The following MAGI2 variants were observed in gnomAD, a reference collection of about 807,000 sequenced individuals.
MAGI2 encodes the protein membrane associated guanylate kinase, WW and PDZ domain containing 2, also known as membrane-associated guanylate kinase, WW and PDZ domain-containing protein 2.
A neutral mutation model predicts 133.3 loss-of-function variants in MAGI2; 35 were observed. That is an observed-to-expected ratio of 0.26 (90% confidence interval 0.20 to 0.35). MAGI2 has a LOEUF of 0.35. Ranked by LOEUF, MAGI2 falls within the 10% of genes least tolerant of loss-of-function variation. The pLI is 1.00. For missense variants in MAGI2, 1,636 were observed against 1,863.4 expected, an observed-to-expected ratio of 0.88 and a Z score of 2.25; for synonymous variants, 729 against 710.6, an observed-to-expected ratio of 1.03 and a Z score of -0.41.
At chr7:79,314,877 G>A (rs1838583837) in intron 1 of MAGI2, among the ~76,000 whole-genome samples, 1 of 152,170 alleles carries the variant, frequency 6.6e-6, no homozygotes, top group Admixed American at 6.5e-5. Context: ...GCCAGGTAGA[G>A]AGAAGTGCCC....
intron 1 of MAGI2, among the ~76,000 whole-genome samples, chr7:79,384,332 A>G (rs1204957026): frequency 6.6e-6 from 1 of 151,344 alleles, no homozygotes; most frequent in East Asian, 1.9e-4. Context: ...CTTCTTGGAA[A>G]ATATGAAAAC....
At chr7:78,073,499 G>T (rs945674557) in intron 21 of MAGI2, among the ~76,000 whole-genome samples, 1 of 151,628 alleles carries the variant, frequency 6.6e-6, no homozygotes, top group Non-Finnish European at 1.5e-5. Flanking sequence ...GAATAAACAG[G>T]CCAGAGCACC....
chr7:78,993,589 G>A (rs1468392268), intron 2 of MAGI2, among the ~76,000 whole-genome samples: 1 of 151,962 alleles, frequency 6.6e-6, no homozygotes, highest in Non-Finnish European at 1.5e-5. Flanking sequence ...GTGACATCTA[G>A]ATCTTAGTTG....
At chr7:78,856,734 G>C (rs1348713554) in intron 2 of MAGI2, among the ~76,000 whole-genome samples, 1 of 152,102 alleles carries the variant, frequency 6.6e-6, no homozygotes, top group Middle Eastern at 3.2e-3. Context: ...TGGCAATGTG[G>C]GCTCTTTTTT....
intron 2 of MAGI2, among the ~76,000 whole-genome samples, chr7:78,753,997 T>A (rs1823705664): frequency 6.6e-6 from 1 of 152,162 alleles, no homozygotes; most frequent in Non-Finnish European, 1.5e-5. Context: ...GACCCACACT[T>A]TAAAATATGG....
intron 2 of MAGI2, among the ~76,000 whole-genome samples, chr7:78,627,869 C>T (rs1343606428): frequency 2.0e-5 from 3 of 152,162 alleles, no homozygotes; most frequent in African/African-American, 7.2e-5. Context: ...AGTATCTAAT[C>T]TGACAGGAGA....
intron 4 of MAGI2, among the ~76,000 whole-genome samples, chr7:78,508,759 A>C (rs1795314611): frequency 6.6e-6 from 1 of 152,228 alleles, no homozygotes; most frequent in African/African-American, 2.4e-5. Flanking sequence ...CAAATAACCC[A>C]TGCATGTTTT....
chr7:78,735,525 T>C (rs1293623351), intron 2 of MAGI2, among the ~76,000 whole-genome samples: 1 of 152,250 alleles, frequency 6.6e-6, no homozygotes, highest in Non-Finnish European at 1.5e-5. Flanking sequence ...GGCATTGGTT[T>C]TCCTTGTTCC....
intron 21 of MAGI2, among the ~76,000 whole-genome samples, chr7:78,051,543 T>C (rs1190196076): frequency 6.6e-6 from 1 of 152,192 alleles, no homozygotes; most frequent in African/African-American, 2.4e-5. Context: ...TGCGTAGCCA[T>C]TTCCATGAGG....
At chr7:79,218,553 T>C (rs1479187907) in intron 1 of MAGI2, among the ~76,000 whole-genome samples, 1 of 152,090 alleles carries the variant, frequency 6.6e-6, no homozygotes, top group Non-Finnish European at 1.5e-5. Context: ...TTGTTATTAC[T>C]GTACCATTTG....
At chr7:79,173,255 A>G (rs1825786294) in intron 1 of MAGI2, among the ~76,000 whole-genome samples, 1 of 152,102 alleles carries the variant, frequency 6.6e-6, no homozygotes, top group Non-Finnish European at 1.5e-5. Flanking sequence ...GAGAAATAAA[A>G]AAAGCAGTGT....
At chr7:78,704,344 A>G (rs915141375) in intron 2 of MAGI2, among the ~76,000 whole-genome samples, 10 of 152,218 alleles carry the variant, frequency 6.6e-5, no homozygotes, top group Non-Finnish European at 1.2e-4. Flanking sequence ...TCATTAGAGA[A>G]ATGCAGATCA....
chr7:79,218,505 G>T (rs1423464161), intron 1 of MAGI2, among the ~76,000 whole-genome samples: 1 of 152,018 alleles, frequency 6.6e-6, no homozygotes, highest in African/African-American at 2.4e-5. Flanking sequence ...GTCTCTGAAG[G>T]ATTGCTGTAA....
chr7:78,246,016 C>G (rs1791744044), intron 10 of MAGI2, among the ~76,000 whole-genome samples: 1 of 152,254 alleles, frequency 6.6e-6, no homozygotes, highest in East Asian at 1.9e-4. Context: ...AGCGGAGCTG[C>G]TACCATACCC....
chr7:78,290,457 G>C (rs1457500700), intron 9 of MAGI2, among the ~76,000 whole-genome samples: 1 of 152,162 alleles, frequency 6.6e-6, no homozygotes, highest in African/African-American at 2.4e-5. Context: ...CAAGTTCTTA[G>C]AGACCTAGAA....
chr7:79,289,893 A>G (rs1379018025), intron 1 of MAGI2, among the ~76,000 whole-genome samples: 1 of 152,120 alleles, frequency 6.6e-6, no homozygotes, highest in Non-Finnish European at 1.5e-5. Context: ...TTTAAAAAAT[A>G]AAAAGTAATT....
At chr7:79,169,965 T>C (rs137967853) in intron 1 of MAGI2, among the ~76,000 whole-genome samples, 1 of 151,864 alleles carries the variant, frequency 6.6e-6, no homozygotes, top group Non-Finnish European at 1.5e-5. Flanking sequence ...TTATAAATGA[T>C]CATTTCAATT....
chr7:79,168,874 T>C (rs570817723), intron 1 of MAGI2, among the ~76,000 whole-genome samples: 85 of 142,684 alleles, frequency 6.0e-4, no homozygotes, highest in African/African-American at 2.3e-3. Context: ...TGCCAGGTTT[T>C]TCTTTCTAAA....
At chr7:78,731,070 A>G (rs1368047901) in intron 2 of MAGI2, among the ~76,000 whole-genome samples, 2 of 152,146 alleles carry the variant, frequency 1.3e-5, no homozygotes, top group African/African-American at 4.8e-5. Flanking sequence ...ACAATGTTCT[A>G]CAATCCATTT....
Sources: allele counts gnomAD v4.1 joint callset (sites outside exome capture counted in the v4.1 genomes callset), GRCh38; gene constraint gnomAD v4.1.1; transcripts MANE v1.5; gene names NCBI Gene and HGNC (gene_info 2026-07-23, HGNC 2026-07-21).